The following PRKCB variants were observed in gnomAD, a reference collection of about 807,000 sequenced individuals.
PRKCB encodes protein kinase C beta, also known as protein kinase C beta type.
PRKCB carries 13 observed loss-of-function variants against 81.5 expected under a neutral mutation model. That is an observed-to-expected ratio of 0.16 (90% CI 0.10 to 0.25). The LOEUF (loss-of-function observed/expected upper bound fraction) is 0.25. Ranked by LOEUF, PRKCB falls within the 10% of genes least tolerant of loss-of-function variation. The pLI is 1.00. For missense variants in PRKCB, 509 were observed against 875.7 expected, an observed-to-expected ratio of 0.58 and a Z score of 5.29; for synonymous variants, 335 against 321.4, an observed-to-expected ratio of 1.04 and a Z score of -0.45.
intron 3 of PRKCB, among the ~76,000 whole-genome samples, chr16:24,015,035 A>G (rs1173748426): frequency 6.6e-6 from 1 of 152,124 alleles, no homozygotes; most frequent in Non-Finnish European, 1.5e-5. Context: ...TCCTGGCCTC[A>G]AGTGATCCGC....
chr16:24,159,075 C>T (rs978279813), intron 10 of PRKCB, among the ~76,000 whole-genome samples: 2 of 152,208 alleles, frequency 1.3e-5, no homozygotes, highest in African/African-American at 4.8e-5. Flanking sequence ...TCTAATCTAG[C>T]CATGGTCACC....
At chr16:23,953,384 C>T (rs1311840561) in intron 2 of PRKCB, among the ~76,000 whole-genome samples, 1 of 152,170 alleles carries the variant, frequency 6.6e-6, no homozygotes, top group African/African-American at 2.4e-5. Context: ...GTGGCTGCTC[C>T]CGAGCAGCCA....
intron 16 of PRKCB, 65 bp downstream of exon 16, chr16:24,191,295 T>A (rs1440500946): frequency 6.3e-7 from 1 of 1,583,646 alleles, no homozygotes; most frequent in Non-Finnish European, 8.6e-7. Context: ...CTGTGCCTCA[T>A]GTTTTCCAAA....
intron 7 of PRKCB, among the ~76,000 whole-genome samples, chr16:24,112,336 C>T (rs1292300330): frequency 1.3e-5 from 2 of 152,130 alleles, no homozygotes; most frequent in Admixed American, 1.3e-4. Flanking sequence ...CAAGACTAGT[C>T]TGAGAAACAT....
intron 8 of PRKCB, among the ~76,000 whole-genome samples, chr16:24,118,736 G>C (rs922037768): frequency 6.6e-6 from 1 of 152,234 alleles, no homozygotes; most frequent in African/African-American, 2.4e-5. Context: ...GCAACCATTA[G>C]TGTATTCCTG....
intron 5 of PRKCB, among the ~76,000 whole-genome samples, chr16:24,054,735 GCA>G (rs1286894037): frequency 6.6e-6 from 1 of 152,218 alleles, no homozygotes; most frequent in Non-Finnish European, 1.5e-5. Context: ...TGATGCTGGT[GCA>G]GTTTGACATT....
intron 3 of PRKCB, among the ~76,000 whole-genome samples, chr16:24,009,424 C>CTTTTTTT (rs1250396194): frequency 6.8e-6 from 1 of 146,644 alleles, no homozygotes; most frequent in African/African-American, 2.7e-5. Context: ...GTTAGGATGA[C>CTTTTTTT]TATTTTTTTT....
chr16:24,146,127 C>T (rs924111378), intron 9 of PRKCB, among the ~76,000 whole-genome samples: 1 of 152,174 alleles, frequency 6.6e-6, no homozygotes, highest in Non-Finnish European at 1.5e-5. Context: ...CGGTAGCTGG[C>T]AGCCAGCAGG....
Position 24,218,428 on chromosome 16 carries a change from C to G in PRKCB, c.*3612C>G. On this transcript the variant is annotated 3_prime_UTR_variant, in exon 17 of 17. Transcript: ENST00000643927. The stretch of plus-strand genomic sequence containing the variant: ...GGACATGGTAGAGATGGACCCTACC[C>G]AGGAAACAGCTCCATCAGCATCTTA... 1 of 985,376 alleles carries G rather than the reference C, an allele frequency of 1.0e-6. No homozygotes were observed. The highest frequency in any genetic ancestry group is 1.2e-6 in the Non-Finnish European group (1 of 829,966). 61.0% of individuals were successfully genotyped at this position (985,376 alleles called of 1,614,324 possible). A position where few individuals can be genotyped will look rare whatever the true frequency, so the allele number is the denominator to read the frequency against.
rs114876544 is a variant in PRKCB at position 23,942,831 on chromosome 16, G to T, written c.206-45677G>T. On this transcript the variant is annotated intron_variant, in intron 2 of 16. Transcript: ENST00000643927. Reference sequence around the variant, plus strand: ...TTTGGAAACTAAGCATTGGGTCCCAGAGCCTGAGGTTTCTTAACGTCTGCC... The same window carrying T: ...TTTGGAAACTAAGCATTGGGTCCCATAGCCTGAGGTTTCTTAACGTCTGCC... Among the ~76,000 whole-genome samples, 302 of 152,310 alleles carry T rather than the reference G, an allele frequency of 2.0e-3. 1 individual carries two copies. The highest frequency in any genetic ancestry group is 6.7e-3 in the African/African-American group (278 of 41,568).
intron 3 of PRKCB, among the ~76,000 whole-genome samples, chr16:24,007,498 G>A (rs1232479154): frequency 2.0e-5 from 3 of 152,176 alleles, no homozygotes; most frequent in Admixed American, 2.0e-4. Flanking sequence ...ATTTGCCACG[G>A]GCTGACTGCT....
At chr16:24,124,424 T>C (rs1966839058) in intron 9 of PRKCB, among the ~76,000 whole-genome samples, 1 of 152,122 alleles carries the variant, frequency 6.6e-6, no homozygotes, top group African/African-American at 2.4e-5. Flanking sequence ...TAAGCTACAA[T>C]GAGGAGTTTG....
At chr16:24,183,875 A>C (rs1967663983) in intron 13 of PRKCB, among the ~76,000 whole-genome samples, 1 of 152,230 alleles carries the variant, frequency 6.6e-6, no homozygotes, top group Non-Finnish European at 1.5e-5. Flanking sequence ...ATGGACAATC[A>C]CATAGCTCTT....
At chr16:24,008,399 C>T (rs991977651) in intron 3 of PRKCB, among the ~76,000 whole-genome samples, 1 of 152,232 alleles carries the variant, frequency 6.6e-6, no homozygotes, top group Non-Finnish European at 1.5e-5. Context: ...GTGGACATCT[C>T]TCCCAAACAG....
intron 2 of PRKCB, among the ~76,000 whole-genome samples, chr16:23,988,178 A>G (rs1033602632): frequency 1.3e-5 from 2 of 152,246 alleles, no homozygotes; most frequent in African/African-American, 2.4e-5. Context: ...CTGGCACCTG[A>G]TCCAAGAAAC....
chr16:24,218,980 A>C lies in PRKCB; in HGVS notation c.*4164A>C. On this transcript the variant is annotated 3_prime_UTR_variant, in exon 17 of 17. Transcript: ENST00000643927. ...TGCCTGCTTGTGCCTCGGTTCTCTC[A>C]TATGTCATATATAGGAGGTGAGGAC... 1.0e-6 allele frequency: 1 copy of C among 985,360 alleles called. No individual in the cohort carries two copies. The highest frequency in any genetic ancestry group is 1.2e-6 in the Non-Finnish European group (1 of 829,908). 61.0% of individuals were successfully genotyped at this position (985,360 alleles called of 1,614,324 possible).
intron 5 of PRKCB, among the ~76,000 whole-genome samples, chr16:24,068,193 G>C (rs566821960): frequency 1.6e-4 from 24 of 152,184 alleles, no homozygotes; most frequent in African/African-American, 5.5e-4. Context: ...AGCACCATAA[G>C]CCTGACAAAA....
chr16:24,032,105 T>C (rs767774131), intron 3 of PRKCB, 31 bp from the exon 4 acceptor site: 2 of 1,498,616 alleles, frequency 1.3e-6, no homozygotes. Flanking sequence ...CCACTGACGC[T>C]GGCTCCTTCT....
intron 16 of PRKCB, among the ~76,000 whole-genome samples, chr16:24,200,193 G>A (rs543016182): frequency 4.6e-5 from 7 of 151,474 alleles, no homozygotes; most frequent in Non-Finnish European, 7.3e-5. Flanking sequence ...TGAGGCAGCC[G>A]AGACAGGCTC....
Sources: gnomAD v4.1 joint callset for allele counts (sites outside exome capture counted in the v4.1 genomes callset) on GRCh38, gnomAD v4.1.1 for gene constraint, MANE v1.5 for transcripts, NCBI Gene and HGNC (gene_info 2026-07-23, HGNC 2026-07-21) for gene names.